Variants in ISM1 observed in about 807,000 individuals in gnomAD.
The protein encoded by ISM1 is isthmin 1.
Under a neutral mutation model 46.3 loss-of-function variants are expected in ISM1, and 25 were observed. The observed-to-expected ratio is 0.54, with a 90% confidence interval of 0.39 to 0.75. The LOEUF is 0.75. Among genes scored for constraint, ISM1 ranks in the 30% least tolerant of loss-of-function variants. The pLI, the probability that ISM1 is intolerant of heterozygous loss-of-function variation, is 0.00. For missense variants in ISM1, 536 were observed against 625.4 expected (o/e 0.86, Z 1.52); for synonymous variants, 255 against 256.7 (o/e 0.99, Z 0.06).
intron 1 of ISM1, among the ~76,000 whole-genome samples, chr20:13,229,850 G>A (rs919149186): frequency 6.6e-6 from 1 of 151,872 alleles, no homozygotes; most frequent in Non-Finnish European, 1.5e-5. Context: ...CTCTTCTGTT[G>A]GCCCTTCTTT....
intron 1 of ISM1, among the ~76,000 whole-genome samples, chr20:13,249,129 T>C (rs2123187557): frequency 6.6e-6 from 1 of 152,230 alleles, no homozygotes; most frequent in South Asian, 2.1e-4. Flanking sequence ...GGATGATTTT[T>C]GAAAAGATAA....
At chr20:13,231,339 A>G in intron 1 of ISM1, among the ~76,000 whole-genome samples, 1 of 152,250 alleles carries the variant, frequency 6.6e-6, no homozygotes, top group Non-Finnish European at 1.5e-5. Flanking sequence ...GCAGTCAGGA[A>G]GAGGGAAATT....
chr20:13,282,530 G>A (rs1313737746), intron 3 of ISM1, among the ~76,000 whole-genome samples: 1 of 152,190 alleles, frequency 6.6e-6, no homozygotes. Context: ...GGCAGTTACT[G>A]TGGCTACCTC....
intron 1 of ISM1, among the ~76,000 whole-genome samples, chr20:13,270,227 G>A (rs1193369033): frequency 6.6e-6 from 1 of 152,110 alleles, no homozygotes; most frequent in Non-Finnish European, 1.5e-5. Flanking sequence ...TCAAAATAGT[G>A]TTTTCATTTT....
intron 1 of ISM1, among the ~76,000 whole-genome samples, chr20:13,222,978 C>CT (rs1489606059): frequency 1.3e-5 from 2 of 152,052 alleles, no homozygotes; most frequent in African/African-American, 2.4e-5. Context: ...TCCTGGCCGA[C>CT]ATGGTGAAAC....
At chr20:13,259,598 AATG>A (rs1396250454) in intron 1 of ISM1, among the ~76,000 whole-genome samples, 3 of 152,238 alleles carry the variant, frequency 2.0e-5, no homozygotes, top group Non-Finnish European at 4.4e-5. Flanking sequence ...TAGTGGGGAA[AATG>A]ATGATGAAGT....
In ISM1 at chr20:13,299,520, G is replaced by C; in HGVS notation, c.*61G>C. On this transcript the variant is annotated 3_prime_UTR_variant, in exon 6 of 6. Coordinates refer to ENST00000262487, the MANE Select transcript of ISM1 (RefSeq NM_080826.2). This position sits in a 1 kb window ranked among gnomAD's most constrained non-coding sequence, Gnocchi z 5.8. ...TTCTGGAGCACACACGTGCTGCACTGACGTGCCGACTGGCGCCGAGACCTT... is the reference window on the plus strand; with the variant it reads ...TTCTGGAGCACACACGTGCTGCACTCACGTGCCGACTGGCGCCGAGACCTT... 1.4e-6 allele frequency: 2 copies of C among 1,460,334 alleles called. No homozygotes were observed. The highest frequency in any genetic ancestry group is 1.8e-6 in the Non-Finnish European group (2 of 1,081,690). 90.5% of individuals were successfully genotyped at this position (1,460,334 alleles called of 1,614,324 possible). A position where few individuals can be genotyped will look rare whatever the true frequency, so the allele number is the denominator to read the frequency against.
At chr20:13,319,925 G>C in the ISM1 span, among the ~76,000 whole-genome samples, 1 of 152,326 alleles carries the variant, frequency 6.6e-6, no homozygotes, top group Non-Finnish European at 1.5e-5. Context: ...GGGAAACAGG[G>C]ACAGGGCAGC....
At chr20:13,324,281 A>T in the ISM1 span, among the ~76,000 whole-genome samples, 1 of 152,228 alleles carries the variant, frequency 6.6e-6, no homozygotes, top group African/African-American at 2.4e-5. Context: ...GACAGCAAGG[A>T]ATCAATTAGC....
intron 1 of ISM1, among the ~76,000 whole-genome samples, chr20:13,268,406 A>G (rs1009490612): frequency 8.9e-6 from 1 of 112,570 alleles, no homozygotes; most frequent in African/African-American, 3.5e-5. Context: ...CTCTCTCTCC[A>G]TGCTAGGTTC....
At chr20:13,263,967 TTTG>T (rs747862825) in intron 1 of ISM1, among the ~76,000 whole-genome samples, 4 of 127,988 alleles carry the variant, frequency 3.1e-5, no homozygotes, top group Non-Finnish European at 7.0e-5. Flanking sequence ...CTAGGGTTTT[TTTG>T]TTTTTCTTTA....
At chr20:13,297,929 C>CCT (rs2040422182) in intron 5 of ISM1, among the ~76,000 whole-genome samples, 2 of 152,080 alleles carry the variant, frequency 1.3e-5, no homozygotes, top group Non-Finnish European at 2.9e-5. Flanking sequence ...CTCTTTGAGG[C>CCT]GCCTTGCCAT....
At chr20:13,311,001 C>T in the ISM1 span, among the ~76,000 whole-genome samples, 3 of 152,168 alleles carry the variant, frequency 2.0e-5, no homozygotes, top group African/African-American at 4.8e-5. Context: ...TGAGACCAAC[C>T]TGGCCATCAT....
rs532771229 is a variant in ISM1, at chr20:13,225,012, ATTTTTTTT to A, written c.138+3105_138+3112del. On this transcript the variant is annotated intron_variant, in intron 1 of 5. Transcript: ENST00000262487. ...AGGCGCCTGCCACCACGCCCGGCTA[ATTTTTTTT>A]TTTTTTGTATTTTTAGTAGAGACGG... Among the ~76,000 whole-genome samples the A allele has an allele frequency of 3.1e-4, 43 of 137,686 alleles. No homozygotes were observed. The East Asian group carries it at 8.9e-3, about 28-fold the overall frequency. The allele number at this position is 137,686 out of a possible 152,430, so 90.3% of individuals were successfully genotyped here. A position where few individuals can be genotyped will look rare whatever the true frequency, so the allele number is the denominator to read the frequency against.
the ISM1 span, among the ~76,000 whole-genome samples, chr20:13,311,429 C>G: frequency 6.6e-6 from 1 of 152,120 alleles, no homozygotes; most frequent in African/African-American, 2.4e-5. Flanking sequence ...CAATCCCACT[C>G]CTGGGTATAT....
intron 1 of ISM1, among the ~76,000 whole-genome samples, chr20:13,266,289 G>C (rs7269984): frequency 0.095 from 14,459 of 152,232 alleles, 747 homozygotes; most frequent in African/African-American, 0.12. Context: ...GCTGTAAGAA[G>C]AGGATATTTT....
In ISM1 at chr20:13,221,760, CCG is replaced by C; in HGVS notation, c.-12_-11del. 2 of 1,427,924 alleles carry C rather than the reference CCG, an allele frequency of 1.4e-6. No homozygotes were observed. Among genetic ancestry groups the C allele is most frequent in the South Asian group, 1.4e-5 (1 of 70,232 alleles). 88.5% of individuals were successfully genotyped at this position (1,427,924 alleles called of 1,614,324 possible). On this transcript the variant is annotated 5_prime_UTR_variant, in exon 1 of 6. Coordinates refer to ENST00000262487, the MANE Select transcript of ISM1 (RefSeq NM_080826.2). ...CCGGCCGCCGCGCCGGGTCCTAAAGCCGCGCGTCTCAAAAGGATGGTGCGCCT... is the reference window on the plus strand; with the variant it reads ...CCGGCCGCCGCGCCGGGTCCTAAAGCCGCGTCTCAAAAGGATGGTGCGCCT...
intron 1 of ISM1, among the ~76,000 whole-genome samples, chr20:13,259,067 G>A (rs1047011410): frequency 1.3e-5 from 2 of 152,118 alleles, no homozygotes; most frequent in Non-Finnish European, 2.9e-5. Flanking sequence ...TGGATCACCT[G>A]AGGTCAGGAG....
rs1301553773 is a variant in ISM1 at position 13,221,790 on chromosome 20, C to A, written c.14C>A (p.Ala5Glu). The change falls in exon 1 of 6, where the codon GCG becomes GAG. Residue 5 changes from alanine (A) to glutamate (E), a missense_variant. By Grantham distance (107) the Ala-to-Glu change is moderately radical. Transcript: ENST00000262487. MVRLAAELLLLLGLL... is the reference protein window; with the variant it reads MVRLEAELLLLLGLL... Reference sequence around the variant, plus strand: ...CGTCTCAAAAGGATGGTGCGCCTGGCGGCCGAGCTGCTGCTGCTGCTGGGG... The same window carrying A: ...CGTCTCAAAAGGATGGTGCGCCTGGAGGCCGAGCTGCTGCTGCTGCTGGGG... The A allele has an allele frequency of 6.9e-7, 1 of 1,451,308 alleles. No individual in the cohort carries two copies. Among genetic ancestry groups the A allele is most frequent in the Non-Finnish European group, 9.0e-7 (1 of 1,107,208 alleles). 89.9% of individuals were successfully genotyped at this position (1,451,308 alleles called of 1,614,324 possible). A position where few individuals can be genotyped will look rare whatever the true frequency, so the allele number is the denominator to read the frequency against.
Sources: allele counts gnomAD v4.1 joint callset (sites outside exome capture counted in the v4.1 genomes callset), GRCh38; gene constraint gnomAD v4.1.1; non-coding constraint Gnocchi (gnomAD v3.1); transcripts MANE v1.5; gene names NCBI Gene and HGNC (gene_info 2026-07-23, HGNC 2026-07-21).